Variants in CDK19 observed in about 807,000 individuals in gnomAD.
The protein encoded by CDK19 is cyclin-dependent kinase 19.
In CDK19, 20 loss-of-function variants were observed where a neutral mutation model predicts 68.3. The observed-to-expected ratio is 0.29, with a 90% CI of 0.21 to 0.43. CDK19 has a LOEUF of 0.43. CDK19 is among the 20% of genes least tolerant of loss of function. The pLI, the probability that CDK19 is intolerant of heterozygous loss-of-function variation, is 1.00. For synonymous variants in CDK19, 221 were observed against 222.8 expected (o/e 0.99, Z 0.07); for missense variants, 339 against 623.5 (o/e 0.54, Z 4.86).
chr6:110,674,877 G>A (rs998140813), intron 2 of CDK19, among the ~76,000 whole-genome samples: 6 of 151,196 alleles, frequency 4.0e-5, no homozygotes, highest in East Asian at 1.9e-4. Context: ...ACTCCAGCCC[G>A]GGCGACACAG....
Position 110,614,529 on chromosome 6 carries a change from A to G in CDK19, c.*6T>C. On this transcript the variant is annotated 3_prime_UTR_variant, in exon 13 of 13. Coordinates refer to ENST00000368911, the MANE Select transcript of CDK19 (RefSeq NM_015076.5). ...GGCTGGGCTGGCCTGGCCCAACGGG[A>G]GCTGGTCAGTACCGGTGGGCCTGGT... The G allele has an allele frequency of 6.2e-7, 1 of 1,613,424 alleles. No individual in the cohort carries two copies. Among genetic ancestry groups the G allele is most frequent in the Non-Finnish European group, 8.5e-7 (1 of 1,179,578 alleles).
intron 2 of CDK19, among the ~76,000 whole-genome samples, chr6:110,675,559 G>A (rs768779291): frequency 2.7e-5 from 4 of 148,996 alleles, no homozygotes; most frequent in Non-Finnish European, 3.0e-5. Context: ...CCTGGGAGGC[G>A]GAAGTTGTGG....
intron 4 of CDK19, among the ~76,000 whole-genome samples, chr6:110,663,701 T>C (rs1781750579): frequency 6.6e-6 from 1 of 152,096 alleles, no homozygotes. Context: ...CCAGTTAATT[T>C]TTTATTTTTT....
chr6:110,685,121 C>T (rs1196136379), intron 2 of CDK19, among the ~76,000 whole-genome samples: 1 of 152,040 alleles, frequency 6.6e-6, no homozygotes, highest in African/African-American at 2.4e-5. Flanking sequence ...CTGGGCGACA[C>T]AGCGAAACTC....
At position 110,766,932 on chromosome 6, in the gene CDK19, G is replaced by A. The variant is rs182231759; in HGVS notation, c.129-20731C>T. Among the ~76,000 whole-genome samples the A allele has an allele frequency of 2.4e-4, 36 of 152,054 alleles. No homozygotes were observed. In the East Asian group the frequency reaches 2.7e-3, roughly 11 times the overall value. ...GGCAGATCACCGAGGTCAGGAGTTC[G>A]AGATCAGCCTGGCCAACATGGTGAA... is the stretch of plus-strand genomic sequence containing the variant. On this transcript the variant is annotated intron_variant, in intron 1 of 12. Transcript: ENST00000368911.
At chr6:110,778,229 T>A (rs1310525037) in intron 1 of CDK19, among the ~76,000 whole-genome samples, 2 of 152,182 alleles carry the variant, frequency 1.3e-5, no homozygotes, top group Non-Finnish European at 2.9e-5. Context: ...ATAAAATTAT[T>A]TCATCTCCCA....
At chr6:110,745,071 C>G (rs1239461697) in intron 2 of CDK19, among the ~76,000 whole-genome samples, 1 of 152,160 alleles carries the variant, frequency 6.6e-6, no homozygotes, top group Non-Finnish European at 1.5e-5. Flanking sequence ...ACAAACATCT[C>G]TAATAGATGT....
chr6:110,657,185 T>C (rs771633046), intron 4 of CDK19, among the ~76,000 whole-genome samples: 22 of 152,280 alleles, frequency 1.4e-4, no homozygotes, highest in South Asian at 2.1e-4. Context: ...CAGGTCCAGA[T>C]GAAAACCCAG....
intron 2 of CDK19, among the ~76,000 whole-genome samples, chr6:110,734,956 G>T (rs1777129845): frequency 6.6e-6 from 1 of 152,084 alleles, no homozygotes; most frequent in African/African-American, 2.4e-5. Context: ...ATAATTACTT[G>T]ATTAGTAATG....
At chr6:110,730,862 G>A (rs546032257) in intron 2 of CDK19, among the ~76,000 whole-genome samples, 1 of 152,208 alleles carries the variant, frequency 6.6e-6, no homozygotes, top group South Asian at 2.1e-4. Flanking sequence ...GGCCAGCCTG[G>A]CCAACATGGT....
At chr6:110,615,803 G>A (rs1371528195) in intron 12 of CDK19, among the ~76,000 whole-genome samples, 1 of 152,186 alleles carries the variant, frequency 6.6e-6, no homozygotes, top group African/African-American at 2.4e-5. Flanking sequence ...ACCAGTCATT[G>A]TTCTGGAGGT....
At chr6:110,733,177 A>C (rs1776891191) in intron 2 of CDK19, among the ~76,000 whole-genome samples, 1 of 152,188 alleles carries the variant, frequency 6.6e-6, no homozygotes, top group African/African-American at 2.4e-5. Flanking sequence ...TCTGCTCTTA[A>C]ATTTCATATA....
chr6:110,633,604 G>A (rs957886184), intron 5 of CDK19, among the ~76,000 whole-genome samples: 1 of 151,524 alleles, frequency 6.6e-6, no homozygotes, highest in Non-Finnish European at 1.5e-5. Context: ...TGAAATATTG[G>A]GGGTATATAA....
At chr6:110,813,035 G>C (rs1259089860) in intron 1 of CDK19, 1 of 146,544 alleles carries the variant, frequency 6.8e-6, no homozygotes, top group African/African-American at 2.5e-5. Context: ...AATGCTTTCA[G>C]ATCCTGAGAG....
In CDK19 at chr6:110,681,014, A is replaced by T. The variant is rs143966365; in HGVS notation, c.205-10473T>A. Among the ~76,000 whole-genome samples, 382 of 151,368 alleles carry T rather than the reference A, an allele frequency of 2.5e-3. 2 individuals carry two copies. Among genetic ancestry groups the T allele is most frequent in the African/African-American group, 8.7e-3 (360 of 41,246 alleles). ...TCTGTCTCAAAATAAATAAATAAAT[A>T]AAATAAAATAAAATATAAAGAGATA... On this transcript the variant is annotated intron_variant, in intron 2 of 12. Transcript: ENST00000368911.
At chr6:110,759,404 T>TAAA (rs1157889434) in intron 1 of CDK19, among the ~76,000 whole-genome samples, 23 of 57,216 alleles carry the variant, frequency 4.0e-4, no homozygotes, top group East Asian at 1.5e-3. Flanking sequence ...GACTCCGTCT[T>TAAA]AAAAAAAAAA....
chr6:110,705,027 G>A lies in CDK19; in HGVS notation c.205-34486C>T, dbSNP rs558279463. 2.7e-5 allele frequency among the ~76,000 whole-genome samples: 4 copies of A among 150,338 alleles called. No individual in the cohort carries two copies. In the South Asian group the frequency reaches 8.6e-4, roughly 32 times the overall value. ...TAAGGAAAAGCATTACAGGTTTAAG[G>A]TGTGAAGAAATGTAGTTTTTTTTTT... On this transcript the variant is annotated intron_variant, in intron 2 of 12. Coordinates refer to ENST00000368911, the MANE Select transcript of CDK19 (RefSeq NM_015076.5).
At chr6:110,701,415 G>A (rs1582896899) in intron 2 of CDK19, among the ~76,000 whole-genome samples, 3 of 151,270 alleles carry the variant, frequency 2.0e-5, no homozygotes, top group Middle Eastern at 3.4e-3. Flanking sequence ...AGCCGAGCAT[G>A]GTGGCGGGCG....
At chr6:110,710,862 A>G (rs542348651) in intron 2 of CDK19, among the ~76,000 whole-genome samples, 3 of 152,304 alleles carry the variant, frequency 2.0e-5, no homozygotes, top group African/African-American at 7.2e-5. Flanking sequence ...AGAAGACACA[A>G]GGGTAATCTA....
Sources: allele counts gnomAD v4.1 joint callset (sites outside exome capture counted in the v4.1 genomes callset), GRCh38; gene constraint gnomAD v4.1.1; transcripts MANE v1.5; gene names NCBI Gene and HGNC (gene_info 2026-07-23, HGNC 2026-07-21).